Variants in FMN1 observed in about 807,000 individuals in gnomAD.
The protein encoded by FMN1 is formin 1, also known as formin-1.
Under a neutral mutation model 132.4 loss-of-function variants are expected in FMN1, and 110 were observed. The ratio of observed to expected loss-of-function variants is 0.83; its 90% CI spans 0.71 to 0.97. FMN1 has a LOEUF of 0.97. Ranked by LOEUF, FMN1 falls within the 50% of genes least tolerant of loss-of-function variation. The probability of loss-of-function intolerance (pLI) is 0.00; values close to 1 mark genes in which losing one functional copy is unlikely to be tolerated. For missense variants in FMN1, 1,792 were observed against 1,705.3 expected (o/e 1.05, Z -0.90); for synonymous variants, 722 against 651.7 (o/e 1.11, Z -1.64).
chr15:32,907,952 A>G (rs1394365963), intron 12 of FMN1, among the ~76,000 whole-genome samples: 1 of 152,114 alleles, frequency 6.6e-6, no homozygotes, highest in African/African-American at 2.4e-5. Context: ...ATCACAAACA[A>G]CAGAGCAAGC....
chr15:33,073,815 C>T (rs2038092661), intron 5 of FMN1, among the ~76,000 whole-genome samples: 1 of 151,452 alleles, frequency 6.6e-6, no homozygotes, highest in South Asian at 2.1e-4. Context: ...AGGCAGCCTT[C>T]ACCTCCCCTT....
At chr15:32,797,454 A>T (rs542920848) in intron 19 of FMN1, among the ~76,000 whole-genome samples, 16 of 152,364 alleles carry the variant, frequency 1.1e-4, no homozygotes, top group South Asian at 8.3e-4. Flanking sequence ...TCGTATGAGA[A>T]TTGATTCCAC....
chr15:33,135,839 A>G (rs987227891), intron 4 of FMN1, among the ~76,000 whole-genome samples: 3 of 152,178 alleles, frequency 2.0e-5, no homozygotes, highest in Non-Finnish European at 2.9e-5. Context: ...TTTTCCCATC[A>G]CCCACATGCC....
chr15:33,034,484 G>A (rs2036097505), intron 6 of FMN1, among the ~76,000 whole-genome samples: 1 of 152,206 alleles, frequency 6.6e-6, no homozygotes, highest in African/African-American at 2.4e-5. Flanking sequence ...AGCTGAGGCA[G>A]AAGGACTGCT....
chr15:33,155,185 G>T (rs188529554), intron 3 of FMN1, 140 bp from the exon 4 acceptor site: 2 of 360,794 alleles, frequency 5.5e-6, no homozygotes, highest in South Asian at 4.3e-5. Flanking sequence ...ACAACAGCCA[G>T]ATTTCAATCT....
In FMN1 at chr15:32,967,701, T is replaced by C. The variant is rs2031372151; in HGVS notation, c.2987+1013A>G. Among the ~76,000 whole-genome samples the C allele has an allele frequency of 2.0e-5, 3 of 152,192 alleles. No homozygotes were observed. The South Asian group carries it at 6.2e-4, about 31-fold the overall frequency. ...TTTGGTGAGAGGAAAGGGGAAAATA[T>C]GAAGCACATATGCTTAGTTTTAGGG... On this transcript the variant is annotated intron_variant, in intron 8 of 20. Coordinates refer to ENST00000616417, the MANE Select transcript of FMN1 (RefSeq NM_001277313.2).
rs2060958268 is a variant in FMN1 at position 32,926,278 on chromosome 15, A to G, written c.3139-17T>C. ...TTTGATGATCTAAAATTAGAAAAAA[A>G]AAAAAAAGAATACAAGCTCAAATGA... is the stretch of plus-strand genomic sequence containing the variant. On this transcript the variant is annotated splice_polypyrimidine_tract_variant and intron_variant, in intron 9 of 20. Transcript: ENST00000616417. The G allele has an allele frequency of 1.4e-6, 2 of 1,407,622 alleles. No homozygotes were observed. Among genetic ancestry groups the G allele is most frequent in the South Asian group, 2.6e-5 (2 of 75,834 alleles). The allele number at this position is 1,407,622 out of a possible 1,614,324, so 87.2% of individuals were successfully genotyped here.
chr15:33,038,699 A>G lies in FMN1; in HGVS notation c.2161+26258T>C, dbSNP rs781290813. ...CTTCCCAGATAAATTATTTGGAATT[A>G]TCCTTACTTTAAGTCCCTGGGAGTC... On this transcript the variant is annotated intron_variant, in intron 6 of 20. Coordinates refer to ENST00000616417, the MANE Select transcript of FMN1 (RefSeq NM_001277313.2). Among the ~76,000 whole-genome samples, 72 of 152,342 alleles carry G rather than the reference A, an allele frequency of 4.7e-4. 1 individual carries two copies. The Middle Eastern group carries it at 0.017, about 36-fold the overall frequency.
intron 5 of FMN1, among the ~76,000 whole-genome samples, chr15:33,088,168 A>C (rs568942068): frequency 6.6e-6 from 1 of 152,304 alleles, no homozygotes; most frequent in East Asian, 1.9e-4. Flanking sequence ...GAACTTATTC[A>C]TGTAACCAAA....
intron 17 of FMN1, among the ~76,000 whole-genome samples, chr15:32,839,773 A>T (rs2058705844): frequency 6.6e-6 from 1 of 152,016 alleles, no homozygotes; most frequent in Non-Finnish European, 1.5e-5. Flanking sequence ...AAAAAAAAAA[A>T]TCAACCTCCC....
At chr15:32,921,531 C>T (rs913486136) in intron 10 of FMN1, among the ~76,000 whole-genome samples, 2 of 152,016 alleles carry the variant, frequency 1.3e-5, no homozygotes, top group Admixed American at 6.6e-5. Context: ...ATTTCTTGTC[C>T]CCATTACTGA....
At chr15:32,902,679 T>A (rs150888881) in intron 12 of FMN1, among the ~76,000 whole-genome samples, 1 of 152,286 alleles carries the variant, frequency 6.6e-6, no homozygotes, top group East Asian at 1.9e-4. Context: ...AAAGTTTCCT[T>A]AAAAATGTGG....
chr15:32,945,326 G>GT (rs1240846127), intron 9 of FMN1, among the ~76,000 whole-genome samples: 4 of 151,998 alleles, frequency 2.6e-5, no homozygotes, highest in African/African-American at 9.7e-5. Context: ...TAAAGCTATT[G>GT]TACTCATTTA....
intron 6 of FMN1, among the ~76,000 whole-genome samples, chr15:33,010,059 T>C (rs2034626327): frequency 6.6e-6 from 1 of 152,152 alleles, no homozygotes; most frequent in Non-Finnish European, 1.5e-5. Context: ...AATTTTTGTA[T>C]TTTTAGTAGA....
At chr15:33,180,992 C>T (rs1965680288) in intron 2 of FMN1, among the ~76,000 whole-genome samples, 1 of 152,142 alleles carries the variant, frequency 6.6e-6, no homozygotes, top group African/African-American at 2.4e-5. Flanking sequence ...CTCAAGTGAT[C>T]CATCACCCTT....
At chr15:32,991,641 G>C (rs2033442114) in intron 7 of FMN1, among the ~76,000 whole-genome samples, 1 of 152,130 alleles carries the variant, frequency 6.6e-6, no homozygotes, top group South Asian at 2.1e-4. Flanking sequence ...GACTTGGCTT[G>C]CTGTCAGACA....
intron 16 of FMN1, among the ~76,000 whole-genome samples, chr15:32,880,807 G>A (rs1244558946): frequency 1.3e-5 from 2 of 152,174 alleles, no homozygotes; most frequent in Non-Finnish European, 2.9e-5. Flanking sequence ...CTGACTGTGT[G>A]TGTAATCCAT....
chr15:33,011,122 A>C (rs905844365), intron 6 of FMN1, among the ~76,000 whole-genome samples: 1 of 152,196 alleles, frequency 6.6e-6, no homozygotes, highest in East Asian at 1.9e-4. Context: ...GACTAAGTTA[A>C]GACAACTTAC....
chr15:33,007,807 G>C (rs187760002), intron 7 of FMN1, among the ~76,000 whole-genome samples: 2 of 152,174 alleles, frequency 1.3e-5, no homozygotes, highest in East Asian at 1.9e-4. Context: ...TGCATTTATG[G>C]TATTTTTTAA....
Sources: gnomAD v4.1 joint callset for allele counts (sites outside exome capture counted in the v4.1 genomes callset) on GRCh38, gnomAD v4.1.1 for gene constraint, MANE v1.5 for transcripts, NCBI Gene and HGNC (gene_info 2026-07-23, HGNC 2026-07-21) for gene names.